TGIF1: variants seen among roughly 807,000 people sequenced by gnomAD.
TGIF1 encodes the protein homeobox protein TGIF1.
A neutral mutation model predicts 19.3 loss-of-function variants in TGIF1; 4 were observed. The ratio of observed to expected loss-of-function variants is 0.21; its 90% confidence interval spans 0.10 to 0.47. The LOEUF (loss-of-function observed/expected upper bound fraction) is 0.47, where lower values mean the gene tolerates loss of function less well. Ranked by LOEUF, TGIF1 falls within the 20% of genes least tolerant of loss-of-function variation. The pLI is 0.98. For missense variants in TGIF1, 275 were observed against 341.4 expected, an observed-to-expected ratio of 0.81 and a Z score of 1.53; for synonymous variants, 122 against 129.3, an observed-to-expected ratio of 0.94 and a Z score of 0.38.
chr18:3,421,699 A>G (rs992946146), intron 2 of TGIF1, among the ~76,000 whole-genome samples: 4 of 150,730 alleles, frequency 2.7e-5, no homozygotes, highest in African/African-American at 9.7e-5. Flanking sequence ...GGCGTGAGCC[A>G]CCGCGCCCAT....
upstream of TGIF1, among the ~76,000 whole-genome samples, chr18:3,446,886 AC>A (rs2082754962): frequency 6.6e-6 from 1 of 152,214 alleles, no homozygotes; most frequent in African/African-American, 2.4e-5. Flanking sequence ...TGGGTGAGTC[AC>A]CCTTTCTCCA....
Position 3,451,587 on chromosome 18 carries a change from A to G in TGIF1, c.16+1082A>G. 9.6e-7 allele frequency: 1 copy of G among 1,038,218 alleles called. No individual in the cohort carries two copies. The highest frequency in any genetic ancestry group is 4.5e-4 in the Middle Eastern group (1 of 2,206). 64.3% of individuals were successfully genotyped at this position (1,038,218 alleles called of 1,614,324 possible). A position where few individuals can be genotyped will look rare whatever the true frequency, so the allele number is the denominator to read the frequency against. Reference sequence around the variant, plus strand: ...TGCCCGGGAGCCGCCTGGAGTTTGGAACTCCACATTCTTTCAGACCCGGCC... The same window carrying G: ...TGCCCGGGAGCCGCCTGGAGTTTGGGACTCCACATTCTTTCAGACCCGGCC... On this transcript the variant is annotated intron_variant, in intron 1 of 2. Coordinates refer to ENST00000343820, the MANE Select transcript of TGIF1 (RefSeq NM_003244.4). The surrounding 1 kb of genome is among the most constrained non-coding windows in gnomAD (Gnocchi z 5.4).
chr18:3,427,670 G>C (rs12960865), intron 2 of TGIF1, among the ~76,000 whole-genome samples: 13,564 of 150,450 alleles, frequency 0.09, 790 homozygotes, highest in Non-Finnish European at 0.12. Flanking sequence ...CGGGCTCTCA[G>C]TTTACTGCAA....
chr18:3,422,688 T>TG (rs2082419225), intron 2 of TGIF1, among the ~76,000 whole-genome samples: 2 of 31,956 alleles, frequency 6.3e-5, no homozygotes, highest in East Asian at 1.1e-3. Flanking sequence ...TTTTTTTTTT[T>TG]TTTTTTTTTT....
chr18:3,452,266 C>T (rs17852936), intron 1 of TGIF1: 30 of 1,609,716 alleles, frequency 1.9e-5, no homozygotes, highest in Non-Finnish European at 2.4e-5. Flanking sequence ...GCCCTCTCCC[C>T]GGAGCTGGGG....
At chr18:3,443,346 C>G (rs536375465) in intron 2 of TGIF1, among the ~76,000 whole-genome samples, 2 of 151,636 alleles carry the variant, frequency 1.3e-5, no homozygotes, top group African/African-American at 4.8e-5. Context: ...GTTATACTGG[C>G]AGGATAAATT....
upstream of TGIF1, among the ~76,000 whole-genome samples, chr18:3,445,851 C>CG (rs2082738742): frequency 6.7e-6 from 1 of 148,822 alleles, no homozygotes; most frequent in African/African-American, 2.5e-5. Context: ...CACAACCCCC[C>CG]ACAGTGTTCA....
At chr18:3,413,711 T>G (rs560034128) in intron 1 of TGIF1, among the ~76,000 whole-genome samples, 1 of 152,246 alleles carries the variant, frequency 6.6e-6, no homozygotes, top group East Asian at 1.9e-4. Context: ...CTCTATAATT[T>G]TTTCAATTAA....
upstream of TGIF1, among the ~76,000 whole-genome samples, chr18:3,445,530 C>T (rs2082729563): frequency 6.6e-6 from 1 of 151,372 alleles, no homozygotes; most frequent in African/African-American, 2.4e-5. Flanking sequence ...CGAGACCATC[C>T]TGGCTAACAT....
upstream of TGIF1, among the ~76,000 whole-genome samples, chr18:3,445,756 G>GGA (rs2082735642): frequency 4.4e-5 from 1 of 22,740 alleles, no homozygotes; most frequent in Non-Finnish European, 7.1e-5. Flanking sequence ...AAAAAAAAGA[G>GGA]AAGAAAAGCA....
upstream of TGIF1, among the ~76,000 whole-genome samples, chr18:3,445,723 CAAAAAAAAAAAAAAAAA>C (rs141550400): frequency 5.7e-5 from 1 of 17,696 alleles, no homozygotes; most frequent in Admixed American, 1.4e-3. Context: ...GACTCTGTCT[CAAAAAAAAAAAAAAAAA>C]AAAAAAAAAA....
At chr18:3,428,624 C>A (rs1171846431) in intron 2 of TGIF1, among the ~76,000 whole-genome samples, 5 of 151,974 alleles carry the variant, frequency 3.3e-5, no homozygotes, top group Non-Finnish European at 7.4e-5. Context: ...GTAGTCCCAG[C>A]TGTTTAGGAG....
intron 1 of TGIF1, among the ~76,000 whole-genome samples, chr18:3,454,029 C>A (rs1422362906): frequency 2.0e-5 from 3 of 152,230 alleles, no homozygotes; most frequent in Non-Finnish European, 4.4e-5. Context: ...CGTGGTTTTA[C>A]TGCAGTGAAA....
intron 2 of TGIF1, among the ~76,000 whole-genome samples, chr18:3,436,034 C>T (rs1042704345): frequency 6.6e-6 from 1 of 152,118 alleles, no homozygotes; most frequent in East Asian, 1.9e-4. Flanking sequence ...GGCCTTCCTT[C>T]GATTTTTGAA....
chr18:3,452,243 C>T (rs960289467), intron 1 of TGIF1: 9 of 1,609,284 alleles, frequency 5.6e-6, no homozygotes, highest in Non-Finnish European at 7.6e-6. Context: ...CGGCGCGCTG[C>T]CCACAGCCGC....
At chr18:3,423,443 G>A (rs1341005269) in intron 2 of TGIF1, among the ~76,000 whole-genome samples, 1 of 152,008 alleles carries the variant, frequency 6.6e-6, no homozygotes, top group South Asian at 2.1e-4. Flanking sequence ...ACTTTGGGAG[G>A]CCAGGGCGGG....
rs2082939718 is a variant in TGIF1, at chr18:3,451,651, C to T, written c.16+1146C>T. Reference sequence around the variant, plus strand: ...TCCTGGGGGGTAGCCTCAAGGCCAGCGGGGTTCCTTCGGCTGCGTTTCTGT... The same window carrying T: ...TCCTGGGGGGTAGCCTCAAGGCCAGTGGGGTTCCTTCGGCTGCGTTTCTGT... On this transcript the variant is annotated intron_variant, in intron 1 of 2. Coordinates refer to ENST00000343820, the MANE Select transcript of TGIF1 (RefSeq NM_003244.4). This position sits in a 1 kb window ranked among gnomAD's most constrained non-coding sequence, Gnocchi z 5.4. 3 of 1,139,066 alleles carry T rather than the reference C, an allele frequency of 2.6e-6. No individual in the cohort carries two copies. Among genetic ancestry groups the T allele is most frequent in the South Asian group, 4.2e-5 (1 of 24,006 alleles). 70.6% of individuals were successfully genotyped at this position (1,139,066 alleles called of 1,614,324 possible). A position where few individuals can be genotyped will look rare whatever the true frequency, so the allele number is the denominator to read the frequency against.
At chr18:3,445,776 A>G, upstream of TGIF1, among the ~76,000 whole-genome samples, 1 of 140,590 alleles carries the variant, frequency 7.1e-6, no homozygotes, top group Non-Finnish European at 1.6e-5. Flanking sequence ...AAAAAAAAAA[A>G]AAAAAAAAAA....
intron 2 of TGIF1, among the ~76,000 whole-genome samples, chr18:3,439,356 T>C (rs2082654346): frequency 6.6e-6 from 1 of 152,086 alleles, no homozygotes; most frequent in Non-Finnish European, 1.5e-5. Context: ...TTTAATTTTT[T>C]TTTTTTTTTG....
Sources: allele counts gnomAD v4.1 joint callset (sites outside exome capture counted in the v4.1 genomes callset), GRCh38; gene constraint gnomAD v4.1.1; non-coding constraint Gnocchi (gnomAD v3.1); transcripts MANE v1.5; gene names NCBI Gene and HGNC (gene_info 2026-07-23, HGNC 2026-07-21).